PELI2: variants seen among roughly 807,000 people sequenced by gnomAD.
The protein encoded by PELI2 is pellino E3 ubiquitin protein ligase family member 2.
In PELI2, 23 loss-of-function variants were observed where a neutral mutation model predicts 42.3. The ratio of observed to expected loss-of-function variants is 0.54; its 90% CI spans 0.39 to 0.77. The LOEUF (loss-of-function observed/expected upper bound fraction) is 0.77. Ranked by LOEUF, PELI2 falls within the 30% of genes least tolerant of loss-of-function variation. The probability of loss-of-function intolerance (pLI) is 0.00; values close to 1 mark genes in which losing one functional copy is unlikely to be tolerated. For synonymous variants in PELI2, 245 were observed against 212.2 expected (o/e 1.15, Z -1.34); for missense variants, 463 against 553.2 (o/e 0.84, Z 1.64).
chr14:56,258,470 A>G (rs1888598759), intron 2 of PELI2, among the ~76,000 whole-genome samples: 1 of 152,138 alleles, frequency 6.6e-6, no homozygotes, highest in Admixed American at 6.6e-5. Flanking sequence ...TTACAAATAT[A>G]TTCTCTATGA....
At position 56,296,805 on chromosome 14, in the gene PELI2, TG is replaced by T; in HGVS notation, c.904del (p.Val302TrpfsTer56). 6.2e-7 allele frequency: 1 copy of T among 1,613,110 alleles called. No individual in the cohort carries two copies. The highest frequency in any genetic ancestry group is 2.2e-5 in the East Asian group (1 of 44,806). ...LAFPSINRKE[V>X]VEEKQPWAYL... ...TTCCCCAGCATCAACAGGAAAGAGGTGGTGGAGGAGAAGCAGCCCTGGGCAT... is the reference window on the plus strand; with the variant it reads ...TTCCCCAGCATCAACAGGAAAGAGGTGTGGAGGAGAAGCAGCCCTGGGCAT... On this transcript the variant is annotated frameshift_variant, in exon 6 of 6. Coordinates refer to ENST00000267460, the MANE Select transcript of PELI2 (RefSeq NM_021255.3). LOFTEE classifies it high-confidence loss of function.
intron 5 of PELI2, 107 bp downstream of exon 5, chr14:56,290,563 C>T (rs895803357): frequency 2.3e-5 from 16 of 700,232 alleles, no homozygotes; most frequent in Middle Eastern, 4.2e-4. Flanking sequence ...CAGGTCCAAG[C>T]GCCATGTACT....
intron 2 of PELI2, among the ~76,000 whole-genome samples, chr14:56,278,427 C>G (rs1269926809): frequency 6.6e-6 from 1 of 152,116 alleles, no homozygotes; most frequent in African/African-American, 2.4e-5. Context: ...AAAACAGTCA[C>G]TCTCAGTGAA....
At chr14:56,223,302 T>G (rs1333137729) in intron 2 of PELI2, among the ~76,000 whole-genome samples, 1 of 152,212 alleles carries the variant, frequency 6.6e-6, no homozygotes, top group Non-Finnish European at 1.5e-5. Context: ...AGAGGAATTC[T>G]TAGGCTCCCA....
chr14:56,165,785 C>G (rs973042010), intron 1 of PELI2, among the ~76,000 whole-genome samples: 1 of 152,098 alleles, frequency 6.6e-6, no homozygotes, highest in Non-Finnish European at 1.5e-5. Context: ...TCTTTTCTTA[C>G]AGTTTTTTTC....
intron 1 of PELI2, among the ~76,000 whole-genome samples, chr14:56,159,774 G>A (rs549010335): frequency 3.9e-5 from 6 of 152,282 alleles, no homozygotes; most frequent in African/African-American, 1.4e-4. Flanking sequence ...GTCTTTAAGA[G>A]TAACATAAAT....
In PELI2 at chr14:56,279,739, G is replaced by A. The variant is rs151092148; in HGVS notation, c.271G>A (p.Val91Met). The A allele has an allele frequency of 1.9e-6, 3 of 1,602,214 alleles. No homozygotes were observed. Among genetic ancestry groups the A allele is most frequent in the South Asian group, 2.2e-5 (2 of 90,742 alleles). ...TTTGTCAAGGAATCAGACTGTGGTG[G>A]TGGAGTACACACATGATAAGGATAC... ...YTLSRNQTVV[V>M]EYTHDKDTDM... Residue 91 changes from valine (V) to methionine (M), a missense_variant, in exon 3 of 6, where the codon GTG becomes ATG. By Grantham distance (21) the Val-to-Met change is conservative. Coordinates refer to ENST00000267460, the MANE Select transcript of PELI2 (RefSeq NM_021255.3).
At chr14:56,144,319 G>T (rs1398287573) in intron 1 of PELI2, among the ~76,000 whole-genome samples, 1 of 152,164 alleles carries the variant, frequency 6.6e-6, no homozygotes, top group Admixed American at 6.5e-5. Context: ...GGCTGGCTAG[G>T]TGAGTCCAAA....
chr14:56,248,442 C>G (rs1228701343), intron 2 of PELI2, among the ~76,000 whole-genome samples: 1 of 151,926 alleles, frequency 6.6e-6, no homozygotes, highest in East Asian at 1.9e-4. Flanking sequence ...GCGATACATC[C>G]CGATCATCAG....
chr14:56,218,570 C>T (rs976981067), intron 2 of PELI2, among the ~76,000 whole-genome samples: 2 of 152,244 alleles, frequency 1.3e-5, no homozygotes, highest in African/African-American at 4.8e-5. Context: ...CCTGCTTACT[C>T]TTCCACCTCC....
intron 1 of PELI2, among the ~76,000 whole-genome samples, chr14:56,170,425 T>C (rs1885124073): frequency 6.6e-6 from 1 of 152,262 alleles, no homozygotes; most frequent in Admixed American, 6.5e-5. Context: ...GTGGCAGACA[T>C]CTTTTTAAGA....
At chr14:56,269,209 G>A (rs1042453007) in intron 2 of PELI2, among the ~76,000 whole-genome samples, 2 of 152,158 alleles carry the variant, frequency 1.3e-5, no homozygotes, top group African/African-American at 2.4e-5. Context: ...AGGAGGCCAA[G>A]GCAGACAGAT....
chr14:56,189,205 A>G (rs1338507141), intron 2 of PELI2, among the ~76,000 whole-genome samples: 2 of 152,218 alleles, frequency 1.3e-5, no homozygotes, highest in African/African-American at 4.8e-5. Flanking sequence ...AGTTGAGACC[A>G]GGTTATTGTA....
intron 2 of PELI2, among the ~76,000 whole-genome samples, chr14:56,214,800 G>A (rs1368629372): frequency 6.6e-6 from 1 of 152,198 alleles, no homozygotes; most frequent in African/African-American, 2.4e-5. Context: ...AAGGCTGATT[G>A]GAAGGGTAGA....
chr14:56,165,221 G>A lies in PELI2; in HGVS notation c.78-13114G>A, dbSNP rs148593799. The stretch of plus-strand genomic sequence containing the variant: ...TGTATCTGATAGGTTTTGGTATGTT[G>A]TATTTCCATCATCATTTGTTTCAAG... On this transcript the variant is annotated intron_variant, in intron 1 of 5. Coordinates refer to ENST00000267460, the MANE Select transcript of PELI2 (RefSeq NM_021255.3). Among the ~76,000 whole-genome samples, 673 of 152,032 alleles carry A rather than the reference G, an allele frequency of 4.4e-3. 5 individuals are homozygous for A. The highest frequency in any genetic ancestry group is 0.015 in the African/African-American group (630 of 41,498).
chr14:56,295,971 G>A (rs1003550217), intron 5 of PELI2, among the ~76,000 whole-genome samples: 8 of 152,232 alleles, frequency 5.3e-5, no homozygotes, highest in African/African-American at 1.9e-4. Context: ...TGCTGACCAC[G>A]CCTAGCTGCT....
At chr14:56,240,547 C>A (rs757195479) in intron 2 of PELI2, among the ~76,000 whole-genome samples, 18 of 152,076 alleles carry the variant, frequency 1.2e-4, no homozygotes, top group South Asian at 2.1e-4. Context: ...GAAATGGAGA[C>A]AGTACAGGAA....
chr14:56,274,577 G>A (rs1394025171), intron 2 of PELI2, among the ~76,000 whole-genome samples: 1 of 152,110 alleles, frequency 6.6e-6, no homozygotes, highest in Non-Finnish European at 1.5e-5. Flanking sequence ...TTTATAAGAG[G>A]AAGAAAATTC....
intron 2 of PELI2, among the ~76,000 whole-genome samples, chr14:56,250,244 TGGGG>T (rs1888299342): frequency 6.6e-6 from 1 of 152,114 alleles, no homozygotes; most frequent in Non-Finnish European, 1.5e-5. Context: ...TATTTGTTGA[TGGGG>T]GTGAGATTTC....
Sources: allele counts gnomAD v4.1 joint callset (sites outside exome capture counted in the v4.1 genomes callset), GRCh38; gene constraint gnomAD v4.1.1; transcripts MANE v1.5; gene names NCBI Gene and HGNC (gene_info 2026-07-23, HGNC 2026-07-21).